The following DCLK2 variants were observed in gnomAD, a reference collection of about 807,000 sequenced individuals.
The protein encoded by DCLK2 is doublecortin like kinase 2, also known as serine/threonine-protein kinase DCLK2.
A neutral mutation model predicts 78.4 loss-of-function variants in DCLK2; 31 were observed. That is an observed-to-expected ratio of 0.40 (90% CI 0.30 to 0.53). The LOEUF (loss-of-function observed/expected upper bound fraction) is 0.53, where lower values mean the gene tolerates loss of function less well. Among genes scored for constraint, DCLK2 ranks in the 20% least tolerant of loss-of-function variants. The pLI, the probability that DCLK2 is intolerant of heterozygous loss-of-function variation, is 0.61. For missense variants in DCLK2, 872 were observed against 973.7 expected (o/e 0.90, Z 1.39); for synonymous variants, 407 against 374.9 (o/e 1.09, Z -0.99).
At position 150,078,492 on chromosome 4, in the gene DCLK2, G is replaced by A. The variant is rs1728978264; in HGVS notation, c.-536G>A. The stretch of plus-strand genomic sequence containing the variant: ...AACGGCGCGCGCTGCCCGGCGGGCG[G>A]GATCCGGGCGCGGCCGAGGCGGCGG... On this transcript the variant is annotated 5_prime_UTR_variant, in exon 1 of 16. Coordinates refer to ENST00000296550, the MANE Select transcript of DCLK2 (RefSeq NM_001040260.4). The A allele has an allele frequency of 6.6e-6, 1 of 151,214 alleles. No homozygotes were observed. Among genetic ancestry groups the A allele is most frequent in the East Asian group, 1.9e-4 (1 of 5,154 alleles). 9.4% of individuals were successfully genotyped at this position (151,214 alleles called of 1,614,324 possible).
chr4:150,160,890 C>T (rs1337352386), intron 2 of DCLK2, among the ~76,000 whole-genome samples: 1 of 152,184 alleles, frequency 6.6e-6, no homozygotes, highest in African/African-American at 2.4e-5. Flanking sequence ...TCCAGAGAGG[C>T]TGTGACTTAA....
intron 12 of DCLK2, among the ~76,000 whole-genome samples, chr4:150,244,227 G>C (rs1215127967): frequency 6.6e-6 from 1 of 152,118 alleles, no homozygotes; most frequent in Non-Finnish European, 1.5e-5. Flanking sequence ...GAGCCACTGT[G>C]CCTGAGCCAT....
chr4:150,121,860 A>G (rs1732569334), intron 2 of DCLK2, among the ~76,000 whole-genome samples: 1 of 152,190 alleles, frequency 6.6e-6, no homozygotes, highest in Non-Finnish European at 1.5e-5. Flanking sequence ...ATCTCTCTGT[A>G]CCTCTGCATC....
intron 2 of DCLK2, among the ~76,000 whole-genome samples, chr4:150,131,036 A>C (rs956249212): frequency 8.6e-5 from 13 of 152,036 alleles, no homozygotes; most frequent in African/African-American, 2.9e-4. Context: ...ATTTTGTTTT[A>C]TTTAGAGACA....
chr4:150,167,742 T>C (rs1342750986), intron 2 of DCLK2, among the ~76,000 whole-genome samples: 2 of 151,872 alleles, frequency 1.3e-5, no homozygotes, highest in Non-Finnish European at 2.9e-5. Flanking sequence ...TCCCAACAGA[T>C]AGAAAACACC....
chr4:150,252,720 G>A (rs771583807), intron 15 of DCLK2, among the ~76,000 whole-genome samples: 16 of 152,184 alleles, frequency 1.1e-4, no homozygotes, highest in African/African-American at 2.2e-4. Context: ...CAAACAACCC[G>A]TTATTGTTTG....
chr4:150,130,411 A>G (rs1426476629), intron 2 of DCLK2, among the ~76,000 whole-genome samples: 1 of 152,046 alleles, frequency 6.6e-6, no homozygotes, highest in Non-Finnish European at 1.5e-5. Flanking sequence ...TGAAGTAGAG[A>G]GACTGTTCCC....
chr4:150,078,644 T>G lies in DCLK2; in HGVS notation c.-384T>G. 6.4e-6 allele frequency: 1 copy of G among 155,390 alleles called. No individual in the cohort carries two copies. 9.6% of individuals were successfully genotyped at this position (155,390 alleles called of 1,614,324 possible). On this transcript the variant is annotated 5_prime_UTR_variant, in exon 1 of 16. Coordinates refer to ENST00000296550, the MANE Select transcript of DCLK2 (RefSeq NM_001040260.4). ...GGAGCGCTCGGCAGACGCCCGAGCT[T>G]TGTGGGCGCCCGCGGGCCCAGCGCG...
intron 2 of DCLK2, 103 bp downstream of exon 2, chr4:150,102,915 C>A: frequency 9.3e-7 from 1 of 1,071,720 alleles, no homozygotes; most frequent in Non-Finnish European, 1.3e-6. Flanking sequence ...GCTAGAAATC[C>A]TTCTGGGAGT....
At chr4:150,217,012 T>C (rs1740774663) in intron 5 of DCLK2, among the ~76,000 whole-genome samples, 1 of 152,196 alleles carries the variant, frequency 6.6e-6, no homozygotes, top group South Asian at 2.1e-4. Context: ...TGTCTCAGCA[T>C]CATAGTTGCT....
At chr4:150,246,408 T>A (rs1313497906) in intron 12 of DCLK2, among the ~76,000 whole-genome samples, 4 of 152,142 alleles carry the variant, frequency 2.6e-5, no homozygotes, top group African/African-American at 9.7e-5. Flanking sequence ...AGCCCTAGAA[T>A]TTATTGCTAG....
At chr4:150,083,539 T>TA (rs1272008221) in intron 1 of DCLK2, among the ~76,000 whole-genome samples, 2 of 152,218 alleles carry the variant, frequency 1.3e-5, no homozygotes, top group African/African-American at 4.8e-5. Flanking sequence ...TAAACCAAAA[T>TA]ACGTTTCTGA....
chr4:150,219,258 C>CTTTTTTTTT (rs375592229), intron 5 of DCLK2, among the ~76,000 whole-genome samples: 1 of 72,124 alleles, frequency 1.4e-5, no homozygotes, highest in South Asian at 5.8e-4. Flanking sequence ...CACAAACATT[C>CTTTTTTTTT]TTTTTTTTTT....
chr4:150,208,664 A>C (rs1414544526), intron 5 of DCLK2, among the ~76,000 whole-genome samples: 1 of 152,136 alleles, frequency 6.6e-6, no homozygotes, highest in African/African-American at 2.4e-5. Context: ...CTGGGTGAAG[A>C]GGGGTGGAAA....
chr4:150,250,423 A>G (rs1743678697), intron 15 of DCLK2, among the ~76,000 whole-genome samples: 1 of 152,096 alleles, frequency 6.6e-6, no homozygotes, highest in East Asian at 1.9e-4. Context: ...GGCCTGAGCC[A>G]ATGCAACCCT....
intron 1 of DCLK2, among the ~76,000 whole-genome samples, chr4:150,090,813 G>C (rs1395928169): frequency 6.6e-6 from 1 of 152,092 alleles, no homozygotes; most frequent in African/African-American, 2.4e-5. Flanking sequence ...GTGACTTTAG[G>C]AGATGATTTG....
At chr4:150,188,603 A>G (rs535980543) in intron 2 of DCLK2, among the ~76,000 whole-genome samples, 10 of 152,230 alleles carry the variant, frequency 6.6e-5, no homozygotes, top group South Asian at 4.1e-4. Flanking sequence ...TTAAAAGGTC[A>G]ATTAAGAAGA....
chr4:150,133,642 A>G (rs571914874), intron 2 of DCLK2, among the ~76,000 whole-genome samples: 4 of 152,368 alleles, frequency 2.6e-5, no homozygotes, highest in Admixed American at 2.6e-4. Flanking sequence ...TTCCTGTGTC[A>G]ACATTTCCAA....
intron 2 of DCLK2, among the ~76,000 whole-genome samples, chr4:150,121,846 A>G (rs903114068): frequency 1.3e-5 from 2 of 152,234 alleles, no homozygotes; most frequent in Non-Finnish European, 2.9e-5. Flanking sequence ...TGAAAACAAC[A>G]TGGATCTCTC....
Sources: allele counts gnomAD v4.1 joint callset (sites outside exome capture counted in the v4.1 genomes callset), GRCh38; gene constraint gnomAD v4.1.1; transcripts MANE v1.5; gene names NCBI Gene and HGNC (gene_info 2026-07-23, HGNC 2026-07-21).